Variants in NCOA3 observed in about 807,000 individuals in gnomAD.
NCOA3 encodes the protein CBP-interacting protein.
A neutral mutation model predicts 158.8 loss-of-function variants in NCOA3; 51 were observed. The observed-to-expected ratio is 0.32, with a 90% CI of 0.26 to 0.41. The LOEUF is 0.41. Among genes scored for constraint, NCOA3 ranks in the 10% least tolerant of loss-of-function variants. The pLI, the probability that NCOA3 is intolerant of heterozygous loss-of-function variation, is 1.00. For missense variants in NCOA3, 1,510 were observed against 1,746.6 expected (o/e 0.86, Z 2.41); for synonymous variants, 537 against 592.4 (o/e 0.91, Z 1.36).
chr20:47,618,348 GTTTT>G (rs71183269), intron 2 of NCOA3, among the ~76,000 whole-genome samples: 1 of 101,378 alleles, frequency 9.9e-6, no homozygotes. Flanking sequence ...TTTTCCCTTA[GTTTT>G]TTTTTTTTTT....
At chr20:47,587,248 C>T (rs1450756037) in intron 2 of NCOA3, among the ~76,000 whole-genome samples, 1 of 152,078 alleles carries the variant, frequency 6.6e-6, no homozygotes, top group Non-Finnish European at 1.5e-5. Context: ...TATTTTAGTG[C>T]TCAAATTGTC....
At position 47,553,964 on chromosome 20, in the gene NCOA3, G is replaced by C. The variant is rs1048186732; in HGVS notation, c.-98-29219G>C. 4.6e-5 allele frequency among the ~76,000 whole-genome samples: 7 copies of C among 152,258 alleles called. No individual in the cohort carries two copies. The South Asian group carries it at 1.0e-3, about 23-fold the overall frequency. On this transcript the variant is annotated intron_variant, in intron 1 of 22. Coordinates refer to ENST00000371998, the MANE Select transcript of NCOA3 (RefSeq NM_181659.3). ...GTATTTCTAGTTCTAGATCCCTGAG[G>C]AATCGCCACACCGACTTCCACAATG...
intron 16 of NCOA3, among the ~76,000 whole-genome samples, chr20:47,641,644 G>A (rs1346163883): frequency 4.0e-5 from 6 of 150,966 alleles, no homozygotes; most frequent in Non-Finnish European, 5.9e-5. Flanking sequence ...GGCTACAGGC[G>A]CTCACCACCA....
At chr20:47,502,453 G>C in intron 1 of NCOA3, among the ~76,000 whole-genome samples, 1 of 152,160 alleles carries the variant, frequency 6.6e-6, no homozygotes, top group East Asian at 1.9e-4. Flanking sequence ...GCACGGGAGG[G>C]AAAAGCCGCG....
chr20:47,597,661 G>T (rs1285271757), intron 2 of NCOA3, among the ~76,000 whole-genome samples: 4 of 151,484 alleles, frequency 2.6e-5, no homozygotes, highest in African/African-American at 4.8e-5. Context: ...GCTACTTTTT[G>T]TGTTTTTAGT....
chr20:47,525,511 C>T (rs1323194193), intron 1 of NCOA3, among the ~76,000 whole-genome samples: 14 of 149,168 alleles, frequency 9.4e-5, no homozygotes, highest in African/African-American at 2.0e-4. Context: ...TAGGGGCGGC[C>T]GGGCAGAGGC....
intron 1 of NCOA3, among the ~76,000 whole-genome samples, chr20:47,518,871 C>T (rs954230217): frequency 6.6e-6 from 1 of 152,294 alleles, no homozygotes; most frequent in East Asian, 1.9e-4. Context: ...TGCGGTGGCT[C>T]ACGCCTGTAA....
intron 2 of NCOA3, among the ~76,000 whole-genome samples, chr20:47,605,397 T>TTGTG (rs111580055): frequency 1.3e-5 from 2 of 151,216 alleles, no homozygotes; most frequent in East Asian, 1.9e-4. Context: ...TAGGTTTTGT[T>TTGTG]TGTGTGTGTG....
intron 2 of NCOA3, among the ~76,000 whole-genome samples, chr20:47,595,922 A>G (rs2085747655): frequency 6.6e-6 from 1 of 152,204 alleles, no homozygotes; most frequent in Admixed American, 6.5e-5. Flanking sequence ...GAATGCATTT[A>G]TCACAATACC....
At chr20:47,645,514 A>G (rs1278491731) in intron 17 of NCOA3, among the ~76,000 whole-genome samples, 1 of 152,104 alleles carries the variant, frequency 6.6e-6, no homozygotes, top group African/African-American at 2.4e-5. Context: ...ATCTTCTATT[A>G]TAAATATGGA....
intron 2 of NCOA3, among the ~76,000 whole-genome samples, chr20:47,589,717 G>T (rs2085596100): frequency 6.6e-6 from 1 of 151,908 alleles, no homozygotes; most frequent in Non-Finnish European, 1.5e-5. Context: ...CTTTTATCCT[G>T]AAACTAGGAA....
chr20:47,635,545 C>T lies in NCOA3; in HGVS notation c.1336C>T (p.Pro446Ser). The stretch of plus-strand genomic sequence containing the variant: ...TAACATAGCTTCATTGACCCCTGGG[C>T]CAGGCATGCAATCACCATCTTCCTA... The part of the protein sequence containing the change: ...SSNIASLTPG[P>S]GMQSPSSYQN... The change falls in exon 11 of 23, where the codon CCA (proline) becomes TCA (serine). Residue 446 changes from proline (P) to serine (S), a missense_variant. Pro to Ser is a moderately conservative substitution (Grantham distance 74). Around this residue, in one of 4 missense-constraint regions of NCOA3, gnomAD observed 1,017 missense variants for 1,098.3 expected, o/e 0.93. Transcript: ENST00000371998. 1.9e-6 allele frequency: 3 copies of T among 1,614,086 alleles called. No individual in the cohort carries two copies. The highest frequency in any genetic ancestry group is 2.5e-6 in the Non-Finnish European group (3 of 1,180,022).
chr20:47,515,541 C>T (rs1419452464), intron 1 of NCOA3, among the ~76,000 whole-genome samples: 6 of 146,656 alleles, frequency 4.1e-5, no homozygotes, highest in Non-Finnish European at 8.9e-5. Context: ...GGCTGGGGTA[C>T]AGTGGCATGA....
At chr20:47,645,258 A>T (rs930213715) in intron 17 of NCOA3, among the ~76,000 whole-genome samples, 5 of 151,974 alleles carry the variant, frequency 3.3e-5, no homozygotes, top group African/African-American at 1.2e-4. Flanking sequence ...GGTAGGTAGA[A>T]GGTACAGGCC....
chr20:47,578,642 A>G (rs1037409477), intron 1 of NCOA3, among the ~76,000 whole-genome samples: 3 of 152,238 alleles, frequency 2.0e-5, no homozygotes, highest in Non-Finnish European at 2.9e-5. Flanking sequence ...AATAATCCCA[A>G]CTGCAAAAGT....
intron 1 of NCOA3, among the ~76,000 whole-genome samples, chr20:47,516,989 T>C (rs2084244314): frequency 6.6e-6 from 1 of 151,640 alleles, no homozygotes; most frequent in East Asian, 1.9e-4. Flanking sequence ...TTGAGAGGCC[T>C]AGACGGATGA....
In NCOA3 at chr20:47,628,017, C is replaced by G. The variant is rs2086350516; in HGVS notation, c.817C>G (p.Leu273Val). Reference protein sequence around the residue: ...NPESFITRHDLSGKVVNIDTN... With the variant: ...NPESFITRHDVSGKVVNIDTN... ...TGAGAGCTTTATTACCAGACATGAT[C>G]TTTCAGGTAAAAACTCTTTTTTTGT... Residue 273 changes from leucine (L) to valine (V), a missense_variant, in exon 8 of 23, where the codon CTT (leucine) becomes GTT (valine). By Grantham distance (32) the Leu-to-Val change is conservative. Around this residue, in one of 4 missense-constraint regions of NCOA3, gnomAD observed 309 missense variants for 427.1 expected, o/e 0.72. Coordinates refer to ENST00000371998, the MANE Select transcript of NCOA3 (RefSeq NM_181659.3). 1 of 1,611,504 alleles carries G rather than the reference C, an allele frequency of 6.2e-7. No individual in the cohort carries two copies. The highest frequency in any genetic ancestry group is 8.5e-7 in the Non-Finnish European group (1 of 1,177,890).
intron 2 of NCOA3, among the ~76,000 whole-genome samples, chr20:47,599,972 TA>T (rs1267007307): frequency 6.6e-6 from 1 of 151,806 alleles, no homozygotes; most frequent in Non-Finnish European, 1.5e-5. Flanking sequence ...AACTACAGTT[TA>T]AAAAAAATTC....
At chr20:47,622,840 AC>A (rs1402542948) in intron 3 of NCOA3, 1 of 152,258 alleles carries the variant, frequency 6.6e-6, no homozygotes, top group African/African-American at 2.4e-5. Flanking sequence ...ATTACAAAGA[AC>A]CTTCTTAAGG....
Sources: gnomAD v4.1 joint callset for allele counts (sites outside exome capture counted in the v4.1 genomes callset) on GRCh38, gnomAD v4.1.1 for gene constraint, gnomAD v4.1.1 regional missense constraint, MANE v1.5 for transcripts, NCBI Gene and HGNC (gene_info 2026-07-23, HGNC 2026-07-21) for gene names.